Variants in CYP4A22 observed in about 807,000 individuals in gnomAD.
The protein encoded by CYP4A22 is cytochrome P450 family 4 subfamily A member 22.
CYP4A22 carries 46 observed loss-of-function variants against 56.2 expected under a neutral mutation model. The observed-to-expected ratio is 0.82, with a 90% CI of 0.65 to 1.05. CYP4A22 has a LOEUF of 1.05. Among genes scored for constraint, CYP4A22 ranks in the 50% least tolerant of loss-of-function variants. The pLI, the probability that CYP4A22 is intolerant of heterozygous loss-of-function variation, is 0.00. For missense variants in CYP4A22, 541 were observed against 645.9 expected, an observed-to-expected ratio of 0.84 and a Z score of 1.76; for synonymous variants, 193 against 251.1, an observed-to-expected ratio of 0.77 and a Z score of 2.19.
At position 47,149,595 on chromosome 1, in the gene CYP4A22, A is replaced by T. The variant is rs2148561238; in HGVS notation, c.*798A>T. 6.6e-6 allele frequency: 1 copy of T among 151,976 alleles called. No individual in the cohort carries two copies. Among genetic ancestry groups the T allele is most frequent in the South Asian group, 2.1e-4 (1 of 4,806 alleles). 9.4% of individuals were successfully genotyped at this position (151,976 alleles called of 1,614,324 possible). On this transcript the variant is annotated 3_prime_UTR_variant, in exon 12 of 12. Transcript: ENST00000371891. ...GGTCCGATAACCCCAACATCCCTGA[A>T]TCTCCACCCACCTCCCAAACTCCTG...
intron 2 of CYP4A22, among the ~76,000 whole-genome samples, 199 bp from the exon 3 acceptor site, chr1:47,141,372 G>A (rs563429378): frequency 6.6e-6 from 1 of 152,080 alleles, no homozygotes; most frequent in African/African-American, 2.4e-5. Flanking sequence ...AGCCCTCTGG[G>A]TGTTTTCCTG....
rs769767920 is a variant in CYP4A22 at position 47,143,248 on chromosome 1, C to T, written c.511-21C>T. On this transcript the variant is annotated intron_variant, in intron 4 of 11. Coordinates refer to ENST00000371891, the MANE Select transcript of CYP4A22 (RefSeq NM_001010969.4). ...AGCACTTCTTGGAGATTAAGAAGGT[C>T]CATGCCCCCTCCCACCACAGGACAA... is the stretch of plus-strand genomic sequence containing the variant. The T allele has an allele frequency of 1.9e-6, 3 of 1,594,850 alleles. No homozygotes were observed. In the South Asian group the frequency reaches 3.4e-5, roughly 18 times the overall value.
chr1:47,140,310 T>A (rs1274988484), intron 1 of CYP4A22, among the ~76,000 whole-genome samples: 7 of 152,176 alleles, frequency 4.6e-5, no homozygotes, highest in Admixed American at 2.0e-4. Context: ...GCCATACACA[T>A]CCCAAATGCT....
intron 11 of CYP4A22, chr1:47,147,014 G>A (rs1309907211): frequency 1.3e-5 from 13 of 985,344 alleles, no homozygotes; most frequent in East Asian, 1.1e-4. Flanking sequence ...AGCTGGAGAG[G>A]AAAACTCCAG....
At chr1:47,146,035 G>T in intron 10 of CYP4A22, 42 bp from the exon 11 acceptor site, 1 of 1,614,172 alleles carries the variant, frequency 6.2e-7, no homozygotes, top group Non-Finnish European at 8.5e-7. Flanking sequence ...GCAAGTAGGT[G>T]CTGGATCCTT....
intron 1 of CYP4A22, among the ~76,000 whole-genome samples, chr1:47,139,159 G>A (rs1320060058): frequency 6.6e-6 from 1 of 152,162 alleles, no homozygotes; most frequent in Non-Finnish European, 1.5e-5. Flanking sequence ...TTGCTACCTG[G>A]AATTATTTTC....
intron 1 of CYP4A22, among the ~76,000 whole-genome samples, chr1:47,138,065 A>G (rs1644964253): frequency 6.6e-6 from 1 of 152,100 alleles, no homozygotes. Context: ...CTGGCCCTGC[A>G]TTTGCCTGGG....
In CYP4A22 at chr1:47,149,044, T is replaced by C. The variant is rs954765286; in HGVS notation, c.*247T>C. The stretch of plus-strand genomic sequence containing the variant: ...GGGAGAAGCTGAGGCCGAGCTTGCA[T>C]GTCTGACATAATGTAAAAGAGTCTT... On this transcript the variant is annotated 3_prime_UTR_variant, in exon 12 of 12. Transcript: ENST00000371891. 3 of 459,632 alleles carry C rather than the reference T, an allele frequency of 6.5e-6. No homozygotes were observed. The highest frequency in any genetic ancestry group is 7.5e-6 in the Non-Finnish European group (2 of 266,834). The allele number at this position is 459,632 out of a possible 1,614,324, so 28.5% of individuals were successfully genotyped here.
Position 47,145,895 on chromosome 1 carries a change from C to A in CYP4A22, c.1252C>A (p.Leu418Ile). 1 of 1,614,160 alleles carries A rather than the reference C, an allele frequency of 6.2e-7. No homozygotes were observed. The highest frequency in any genetic ancestry group is 8.5e-7 in the Non-Finnish European group (1 of 1,180,030). ...CATGGTCCTCCTCTCCATTTATGGC[C>A]TTCACCACAACCCAAAAGTGTGGCC... ...GIMVLLSIYGLHHNPKVWPNL... is the reference protein window; with the variant it reads ...GIMVLLSIYGIHHNPKVWPNL... The change falls in exon 10 of 12, where the codon CTT becomes ATT. Residue 418 changes from leucine to isoleucine, a missense_variant. This residue lies in a region of CYP4A22 where 204 missense variants were observed against 258.9 expected (regional missense o/e 0.79). Transcript: ENST00000371891.
chr1:47,148,356 T>C (rs1645097260), intron 11 of CYP4A22, among the ~76,000 whole-genome samples: 1 of 152,240 alleles, frequency 6.6e-6, no homozygotes, highest in African/African-American at 2.4e-5. Flanking sequence ...GGTTTCAGGC[T>C]GCTGAGAGCA....
intron 9 of CYP4A22, among the ~76,000 whole-genome samples, chr1:47,145,492 G>C (rs741957): frequency 6.6e-6 from 1 of 152,138 alleles, no homozygotes; most frequent in African/African-American, 2.4e-5. Flanking sequence ...TGATACTCAG[G>C]TATCTCCCCT....
intron 9 of CYP4A22, 113 bp from the exon 10 acceptor site, chr1:47,145,753 G>T: frequency 6.8e-7 from 1 of 1,462,502 alleles, no homozygotes; most frequent in South Asian, 1.3e-5. Flanking sequence ...TAGTCAAAGT[G>T]ACAATTTATA....
intron 1 of CYP4A22, among the ~76,000 whole-genome samples, chr1:47,139,226 C>T (rs1369390640): frequency 1.3e-5 from 2 of 152,224 alleles, no homozygotes; most frequent in Non-Finnish European, 2.9e-5. Flanking sequence ...AAGAAGGCCT[C>T]CTGGGTCTCC....
chr1:47,137,566 G>C lies in CYP4A22; in HGVS notation c.81G>C (p.Leu27=). The C allele has an allele frequency of 6.2e-7, 1 of 1,614,196 alleles. No homozygotes were observed. The highest frequency in any genetic ancestry group is 8.5e-7 in the Non-Finnish European group (1 of 1,180,022). ...TCCAAGTGACCTCCCTGCTCATTCT[G>C]CTTCTGCTGCTGATCAAGGCAGCTC... The part of the protein sequence containing the change: ...GILQVTSLLI[L]LLLLIKAAQL... Residue 27 remains leucine, a synonymous_variant, in exon 1 of 12, where the codon CTG becomes CTC. Transcript: ENST00000371891.
At chr1:47,138,823 T>C (rs948945882) in intron 1 of CYP4A22, among the ~76,000 whole-genome samples, 2 of 152,142 alleles carry the variant, frequency 1.3e-5, no homozygotes, top group African/African-American at 4.8e-5. Flanking sequence ...TGCACTGCTA[T>C]CCCTGCATGG....
At chr1:47,143,619 G>A (rs1645038625) in intron 5 of CYP4A22, 143 bp from the exon 6 acceptor site, 4 of 1,299,506 alleles carry the variant, frequency 3.1e-6, no homozygotes, top group Non-Finnish European at 4.2e-6. Context: ...AAGGCCAAAG[G>A]ATAATAGGGC....
chr1:47,148,823 C>T lies in CYP4A22; in HGVS notation c.*26C>T. 1 of 1,576,216 alleles carries T rather than the reference C, an allele frequency of 6.3e-7. No individual in the cohort carries two copies. The highest frequency in any genetic ancestry group is 1.2e-5 in the South Asian group (1 of 83,994). On this transcript the variant is annotated 3_prime_UTR_variant, in exon 12 of 12. Coordinates refer to ENST00000371891, the MANE Select transcript of CYP4A22 (RefSeq NM_001010969.4). ...GGGCCTCCACCTGCCATCCTGTCTT[C>T]CTGACCCCCACTCCTATCTCCTGCC...
At position 47,143,228 on chromosome 1, in the gene CYP4A22, T is replaced by C. The variant is rs371248254; in HGVS notation, c.511-41T>C. The stretch of plus-strand genomic sequence containing the variant: ...AAGCCAGGCCTTATTAGCAAAGCAC[T>C]TCTTGGAGATTAAGAAGGTCCATGC... On this transcript the variant is annotated intron_variant, in intron 4 of 11. Transcript: ENST00000371891. 8.3e-6 allele frequency: 13 copies of C among 1,569,594 alleles called. No individual in the cohort carries two copies. In the Middle Eastern group the frequency reaches 5.1e-4, roughly 62 times the overall value.
At chr1:47,141,690 C>T (rs1645011441) in intron 3 of CYP4A22, 75 bp downstream of exon 3, 1 of 1,560,918 alleles carries the variant, frequency 6.4e-7, no homozygotes, top group Admixed American at 1.7e-5. Flanking sequence ...CAGAGAACAA[C>T]AGATTAGAGG....
Sources: allele counts gnomAD v4.1 joint callset (sites outside exome capture counted in the v4.1 genomes callset), GRCh38; gene constraint gnomAD v4.1.1; regional missense constraint gnomAD v4.1.1; transcripts MANE v1.5; gene names NCBI Gene and HGNC (gene_info 2026-07-23, HGNC 2026-07-21).